The following SRGAP2 variants were observed in gnomAD, a reference collection of about 807,000 sequenced individuals.
SRGAP2 encodes SLIT-ROBO Rho GTPase activating protein 2, also known as SLIT-ROBO Rho GTPase-activating protein 2.
In SRGAP2, 15 loss-of-function variants were observed where a neutral mutation model predicts 57.2. That is an observed-to-expected ratio of 0.26 (90% CI 0.18 to 0.40). The LOEUF is 0.40. Among genes scored for constraint, SRGAP2 ranks in the 10% least tolerant of loss-of-function variants. The pLI, the probability that SRGAP2 is intolerant of heterozygous loss-of-function variation, is 1.00. For synonymous variants in SRGAP2, 249 were observed against 248.0 expected (o/e 1.00, Z -0.04); for missense variants, 520 against 669.6 (o/e 0.78, Z 2.47).
intron 3 of SRGAP2, among the ~76,000 whole-genome samples, chr1:206,306,141 A>G (rs1475912913): frequency 3.3e-5 from 5 of 152,156 alleles, no homozygotes; most frequent in Non-Finnish European, 5.9e-5. Context: ...TTAATCTCCA[A>G]GTCATCTTGT....
intron 2 of SRGAP2, among the ~76,000 whole-genome samples, chr1:206,260,060 C>G (rs554562021): frequency 6.2e-3 from 376 of 60,472 alleles, no homozygotes; most frequent in Non-Finnish European, 8.6e-3. Context: ...CTTCCACCCC[C>G]CTCATATTTT....
At chr1:206,224,273 C>T (rs1667149385) in intron 2 of SRGAP2, among the ~76,000 whole-genome samples, 1 of 151,880 alleles carries the variant, frequency 6.6e-6, no homozygotes, top group Non-Finnish European at 1.5e-5. Context: ...TTGCAGTTGT[C>T]AGTAGTTCCA....
At chr1:206,437,136 A>T in intron 15 of SRGAP2, 94 bp downstream of exon 15, 1 of 757,832 alleles carries the variant, frequency 1.3e-6, no homozygotes, top group Non-Finnish European at 2.5e-6. Flanking sequence ...CCCAGAGGTC[A>T]GGAAGCCAAC....
Position 206,351,226 on chromosome 1 carries a change from A to G in SRGAP2, c.423+8218A>G, listed in dbSNP as rs1245111330. On this transcript the variant is annotated intron_variant, in intron 4 of 22. Coordinates refer to ENST00000573034, the MANE Select transcript of SRGAP2 (RefSeq NM_015326.5). ...AAGTGGTGACCCACAATGCTGGTATAGTTGAATGTCCCTGGTAAGTGCTGT... is the reference window on the plus strand; with the variant it reads ...AAGTGGTGACCCACAATGCTGGTATGGTTGAATGTCCCTGGTAAGTGCTGT... Among the ~76,000 whole-genome samples, 4 of 151,794 alleles carry G rather than the reference A, an allele frequency of 2.6e-5. No homozygotes were observed. The East Asian group carries it at 7.8e-4, about 29-fold the overall frequency.
chr1:206,367,392 A>G (rs1357487466), intron 4 of SRGAP2, among the ~76,000 whole-genome samples: 1 of 151,780 alleles, frequency 6.6e-6, no homozygotes, highest in Non-Finnish European at 1.5e-5. Context: ...GGAGTTTATG[A>G]GTTCAATTCC....
At chr1:206,419,634 G>T (rs1306531409) in intron 12 of SRGAP2, among the ~76,000 whole-genome samples, 2 of 152,076 alleles carry the variant, frequency 1.3e-5, no homozygotes, top group African/African-American at 4.8e-5. Flanking sequence ...TGAGTAAAAG[G>T]GGTTATCATT....
At chr1:206,321,919 G>C (rs1343785583) in intron 3 of SRGAP2, among the ~76,000 whole-genome samples, 1 of 152,074 alleles carries the variant, frequency 6.6e-6, no homozygotes, top group Non-Finnish European at 1.5e-5. Flanking sequence ...GTTGCTTTTA[G>C]TGGGAAATGG....
chr1:206,248,644 G>A (rs1293142924), intron 2 of SRGAP2, among the ~76,000 whole-genome samples: 2 of 152,102 alleles, frequency 1.3e-5, no homozygotes, highest in Non-Finnish European at 2.9e-5. Context: ...AGGTGACAGA[G>A]ATGAACAAAT....
chr1:206,333,357 C>G (rs1256842597), intron 3 of SRGAP2: 11 of 1,358,748 alleles, frequency 8.1e-6, no homozygotes, highest in Non-Finnish European at 1.2e-5. Context: ...AGCAGACAAT[C>G]CAAGCATCCT....
At position 206,454,475 on chromosome 1, in the gene SRGAP2, G is replaced by A; in HGVS notation, c.2361-403G>A. The A allele has an allele frequency of 2.1e-6, 1 of 471,188 alleles. No homozygotes were observed. The highest frequency in any genetic ancestry group is 3.8e-6 in the Non-Finnish European group (1 of 265,168). 29.2% of individuals were successfully genotyped at this position (471,188 alleles called of 1,614,324 possible). Reference sequence around the variant, plus strand: ...CCGCCGTCTCCAGAGCCACCACACAGTTGACTGTCCTTACCCGGCAGTGCT... The same window carrying A: ...CCGCCGTCTCCAGAGCCACCACACAATTGACTGTCCTTACCCGGCAGTGCT... On this transcript the variant is annotated intron_variant, in intron 20 of 22. Coordinates refer to ENST00000573034, the MANE Select transcript of SRGAP2 (RefSeq NM_015326.5). This position sits in a 1 kb window ranked among gnomAD's most constrained non-coding sequence, Gnocchi z 4.3.
intron 2 of SRGAP2, among the ~76,000 whole-genome samples, chr1:206,293,909 C>CT (rs1256178542): frequency 1.5e-5 from 2 of 131,130 alleles, no homozygotes; most frequent in Admixed American, 1.7e-4. Context: ...CCCAGAGGAG[C>CT]TGCTGGTCTT....
intron 4 of SRGAP2, among the ~76,000 whole-genome samples, chr1:206,369,483 G>A (rs1553342219): frequency 6.6e-6 from 1 of 151,672 alleles, no homozygotes; most frequent in South Asian, 2.1e-4. Context: ...AATGAGAAAA[G>A]GTATTTTCAA....
intron 3 of SRGAP2, among the ~76,000 whole-genome samples, chr1:206,332,810 G>A (rs1194081214): frequency 4.6e-5 from 7 of 151,998 alleles, no homozygotes; most frequent in African/African-American, 1.7e-4. Context: ...CTCTCAGCTC[G>A]TCAAAATCAT....
chr1:206,275,703 C>G (rs1311941786), intron 2 of SRGAP2, among the ~76,000 whole-genome samples: 1 of 150,216 alleles, frequency 6.7e-6, no homozygotes, highest in Non-Finnish European at 1.5e-5. Context: ...CAACCTCCGC[C>G]TCTCCCGGGT....
intron 10 of SRGAP2, among the ~76,000 whole-genome samples, chr1:206,411,313 A>G (rs1469025861): frequency 2.6e-5 from 4 of 152,194 alleles, no homozygotes; most frequent in Admixed American, 2.0e-4. Flanking sequence ...AGAGGAGGCA[A>G]TGCCTTGGCC....
intron 2 of SRGAP2, among the ~76,000 whole-genome samples, chr1:206,272,831 C>T (rs1670199605): frequency 6.6e-6 from 1 of 152,214 alleles, no homozygotes; most frequent in African/African-American, 2.4e-5. Flanking sequence ...CTTTCTCTTT[C>T]CACCTCCCAT....
intron 3 of SRGAP2, chr1:206,333,327 T>C: frequency 8.4e-7 from 1 of 1,186,972 alleles, no homozygotes; most frequent in Non-Finnish European, 1.2e-6. Context: ...CTGAATCATT[T>C]ATTTTGAGCC....
chr1:206,453,302 C>T lies in SRGAP2; in HGVS notation c.2282C>T (p.Ala761Val), dbSNP rs782374407. ...KGASLLLYQR[A>V]SDDWWEGRHN... ...GCATCCCTGCTGCTTTACCAGCGGG[C>T]TTCCGACGACTGGTGGGAAGGCCGG... Residue 761 changes from alanine (A) to valine (V), a missense_variant, in exon 20 of 23, where the codon GCT (alanine) becomes GTT (valine). Ala to Val is a moderately conservative substitution (Grantham distance 64, BLOSUM62 0). Coordinates refer to ENST00000573034, the MANE Select transcript of SRGAP2 (RefSeq NM_015326.5). 1.3e-6 allele frequency: 1 copy of T among 761,200 alleles called. No individual in the cohort carries two copies. The highest frequency in any genetic ancestry group is 2.5e-6 in the Non-Finnish European group (1 of 408,004). The allele number at this position is 761,200 out of a possible 1,614,324, so 47.2% of individuals were successfully genotyped here.
intron 15 of SRGAP2, chr1:206,437,673 A>G (rs570488785): frequency 3.2e-6 from 1 of 316,924 alleles, no homozygotes; most frequent in African/African-American, 2.1e-5. Flanking sequence ...CTTGTGAGAT[A>G]CAGTTGCTGT....
Sources: allele counts gnomAD v4.1 joint callset (sites outside exome capture counted in the v4.1 genomes callset), GRCh38; gene constraint gnomAD v4.1.1; non-coding constraint Gnocchi (gnomAD v3.1); transcripts MANE v1.5; gene names NCBI Gene and HGNC (gene_info 2026-07-23, HGNC 2026-07-21).